The following LIX1L variants were observed in gnomAD, a reference collection of about 807,000 sequenced individuals.
LIX1L encodes the protein LIX1-like protein.
A neutral mutation model predicts 34.0 loss-of-function variants in LIX1L; 20 were observed. That is an observed-to-expected ratio of 0.59 (90% CI 0.41 to 0.85). The LOEUF (loss-of-function observed/expected upper bound fraction) is 0.85, where lower values mean the gene tolerates loss of function less well. LIX1L is among the 40% of genes least tolerant of loss of function. The probability of loss-of-function intolerance (pLI) is 0.00; values close to 1 mark genes in which losing one functional copy is unlikely to be tolerated. For missense variants in LIX1L, 397 were observed against 447.0 expected, an observed-to-expected ratio of 0.89 and a Z score of 1.01; for synonymous variants, 170 against 187.4, an observed-to-expected ratio of 0.91 and a Z score of 0.76.
intron 2 of LIX1L, among the ~76,000 whole-genome samples, chr1:145,944,279 G>C (rs1379578430): frequency 6.6e-6 from 1 of 152,128 alleles, no homozygotes; most frequent in Non-Finnish European, 1.5e-5. Flanking sequence ...AGGATCACTT[G>C]AGCCTAGGAG....
chr1:145,937,742 G>A (rs1387724608), intron 3 of LIX1L, 43 bp from the exon 4 acceptor site: 1 of 1,187,432 alleles, frequency 8.4e-7, no homozygotes, highest in Non-Finnish European at 1.3e-6. Context: ...TTTTCAACCA[G>A]GATTATCATC....
chr1:145,937,839 GAGGTAAGTCC>G (rs1199395654), intron 3 of LIX1L, 140 bp from the exon 4 acceptor site: 15 of 627,824 alleles, frequency 2.4e-5, no homozygotes, highest in Admixed American at 7.4e-5. Flanking sequence ...TAAAAATAAA[GAGGTAAGTCC>G]AGGTGCAGTG....
At chr1:145,943,383 T>C (rs985415363) in intron 2 of LIX1L, among the ~76,000 whole-genome samples, 2 of 152,172 alleles carry the variant, frequency 1.3e-5, no homozygotes, top group Non-Finnish European at 2.9e-5. Context: ...AGGCATTTTC[T>C]CAAATAACGT....
At position 145,936,352 on chromosome 1, in the gene LIX1L, C is replaced by T. The variant is rs1391856936; in HGVS notation, c.972G>A (p.Leu324=). ...GCATATTGCCCAACTGCCCAGCAGC[C>T]AGCACAAGAATATCTTTCTTCTCCT... The part of the protein sequence containing the change: ...FHKEKKDILV[L]AAGQLGNMHS... The change falls in exon 6 of 6, where the codon CTG becomes CTA. Residue 324 remains leucine (L), a synonymous_variant. Coordinates refer to ENST00000604000, the MANE Select transcript of LIX1L (RefSeq NM_153713.3). The T allele has an allele frequency of 1.2e-6, 2 of 1,614,040 alleles. No homozygotes were observed. Among genetic ancestry groups the T allele is most frequent in the East Asian group, 2.2e-5 (1 of 44,888 alleles).
chr1:145,945,958 G>T (rs1335321095), intron 2 of LIX1L, among the ~76,000 whole-genome samples: 1 of 143,664 alleles, frequency 7.0e-6, no homozygotes, highest in East Asian at 2.1e-4. Context: ...AAAAAAATTA[G>T]CTAGGCGTGG....
chr1:145,955,484 G>C (rs1325380672), intron 1 of LIX1L, among the ~76,000 whole-genome samples: 1 of 152,228 alleles, frequency 6.6e-6, no homozygotes, highest in African/African-American at 2.4e-5. Flanking sequence ...GGAATGAATT[G>C]TCTAGGCAGA....
rs782257497 is a variant in LIX1L at position 145,936,912 on chromosome 1, C to T, written c.767G>A (p.Arg256Gln). 9.3e-6 allele frequency: 15 copies of T among 1,609,766 alleles called. No homozygotes were observed. The highest frequency in any genetic ancestry group is 4.5e-5 in the East Asian group (2 of 44,842). ...LKAMRERQCS[R>Q]QEVLAHYSHR... ...CCCACTCATAAAATCTCTTACCTGC[C>T]GAGAGCATTGTCGTTCCCTCATGGC... Residue 256 changes from arginine (R) to glutamine (Q), a missense_variant, in exon 5 of 6, where the codon CGG becomes CAG. Physicochemically the swap from Arg to Gln is conservative, Grantham distance 43. This residue lies in a region of LIX1L where 174 missense variants were observed against 204.0 expected (regional missense o/e 0.85). Coordinates refer to ENST00000604000, the MANE Select transcript of LIX1L (RefSeq NM_153713.3).
rs1275015875 is a variant in LIX1L at position 145,943,001 on chromosome 1, T to A, written c.457-148A>T. 3.9e-6 allele frequency: 3 copies of A among 774,572 alleles called. No individual in the cohort carries two copies. The African/African-American group carries it at 5.2e-5, about 13-fold the overall frequency. The allele number at this position is 774,572 out of a possible 1,614,324, so 48.0% of individuals were successfully genotyped here. On this transcript the variant is annotated intron_variant, in intron 2 of 5. Coordinates refer to ENST00000604000, the MANE Select transcript of LIX1L (RefSeq NM_153713.3). ...TTCAACACACTTTCCAAGGTTTTTA[T>A]GGTAAAGTGGTTGGGATGTTTGGAA... is the stretch of plus-strand genomic sequence containing the variant.
chr1:145,936,793 A>C, intron 5 of LIX1L, 115 bp downstream of exon 5: 2 of 852,462 alleles, frequency 2.3e-6, no homozygotes, highest in Non-Finnish European at 3.9e-6. Flanking sequence ...TAAGGCTTTC[A>C]ATATTCACAA....
At position 145,936,453 on chromosome 1, in the gene LIX1L, G is replaced by C. The variant is rs149189424; in HGVS notation, c.871C>G (p.Leu291Val). 6.2e-7 allele frequency: 1 copy of C among 1,614,002 alleles called. No homozygotes were observed. The highest frequency in any genetic ancestry group is 1.3e-5 in the African/African-American group (1 of 74,910). Residue 291 changes from leucine (L) to valine (V), a missense_variant, in exon 6 of 6, where the codon CTG becomes GTG. By Grantham distance (32) the Leu-to-Val change is conservative. Coordinates refer to ENST00000604000, the MANE Select transcript of LIX1L (RefSeq NM_153713.3). ...VSREQSVPGALSRELASTERE... is the reference protein window; with the variant it reads ...VSREQSVPGAVSRELASTERE... ...TCAGTAGAGGCCAGCTCTCTAGACA[G>C]TGCCCCCGGCACACTCTGCTCCCGG...
At chr1:145,949,926 C>T (rs781964317) in intron 1 of LIX1L, among the ~76,000 whole-genome samples, 16 of 151,914 alleles carry the variant, frequency 1.1e-4, no homozygotes, top group Admixed American at 2.0e-4. Context: ...AGGCGATCCT[C>T]CAACCTTAGC....
chr1:145,939,630 T>C (rs1648814675), intron 3 of LIX1L, among the ~76,000 whole-genome samples: 1 of 151,256 alleles, frequency 6.6e-6, no homozygotes, highest in Non-Finnish European at 1.5e-5. Flanking sequence ...GCTTTCTTTT[T>C]TCTTTTTCTT....
chr1:145,948,905 T>C lies in LIX1L; in HGVS notation c.293-1123A>G, dbSNP rs1553759508. 1 of 152,232 alleles carries C rather than the reference T, an allele frequency of 6.6e-6. No homozygotes were observed. Among genetic ancestry groups the C allele is most frequent in the Non-Finnish European group, 1.5e-5 (1 of 68,040 alleles). 9.4% of individuals were successfully genotyped at this position (152,232 alleles called of 1,614,324 possible). A position where few individuals can be genotyped will look rare whatever the true frequency, so the allele number is the denominator to read the frequency against. On this transcript the variant is annotated intron_variant, in intron 1 of 5. Transcript: ENST00000604000. The surrounding 1 kb of genome is among the most constrained non-coding windows in gnomAD (Gnocchi z 4.0). ...CCCCAAGCTGTGGGTTCTATAAGTG[T>C]TCCTCTGTTGTGAAGCAACCCATGG...
rs1236633532 is a variant in LIX1L at position 145,935,179 on chromosome 1, A to C, written c.*1131T>G. The C allele has an allele frequency of 1.3e-5, 2 of 152,020 alleles. No individual in the cohort carries two copies. The highest frequency in any genetic ancestry group is 2.9e-5 in the Non-Finnish European group (2 of 68,060). 9.4% of individuals were successfully genotyped at this position (152,020 alleles called of 1,614,324 possible). A position where few individuals can be genotyped will look rare whatever the true frequency, so the allele number is the denominator to read the frequency against. On this transcript the variant is annotated 3_prime_UTR_variant, in exon 6 of 6. Transcript: ENST00000604000. ...GAGACTCTGTCTTCCAAAAAAAAAA[A>C]AAAACCACACACACACACAAATAAC...
intron 3 of LIX1L, among the ~76,000 whole-genome samples, chr1:145,940,604 G>A (rs1248328736): frequency 7.2e-6 from 1 of 139,646 alleles, no homozygotes; most frequent in East Asian, 2.1e-4. Context: ...AGGCTGGAGT[G>A]CAATGGCGTG....
At chr1:145,939,465 C>T (rs587743164) in intron 3 of LIX1L, among the ~76,000 whole-genome samples, 57 of 151,924 alleles carry the variant, frequency 3.8e-4, no homozygotes, top group African/African-American at 1.2e-3. Context: ...ACTACCATGC[C>T]TGGCTAATTT....
intron 5 of LIX1L, 61 bp downstream of exon 5, chr1:145,936,847 C>CA: frequency 8.5e-7 from 1 of 1,176,292 alleles, no homozygotes; most frequent in Non-Finnish European, 1.3e-6. Flanking sequence ...GTAACCACCT[C>CA]AAAAGAGTCC....
chr1:145,936,416 T>C lies in LIX1L; in HGVS notation c.908A>G (p.Asp303Gly), dbSNP rs782004899. ...RELASTEREL[D>G]EARLAGKELR... ...CTCCTTGCCTGCCAGTCGGGCTTCA[T>C]CCAGCTCCCGCTCAGTAGAGGCCAG... The change falls in exon 6 of 6, where the codon GAT becomes GGT. Residue 303 changes from aspartate (D) to glycine (G), a missense_variant. Physicochemically the swap from Asp to Gly is moderately conservative, Grantham distance 94 (BLOSUM62 -1). Transcript: ENST00000604000. 4 of 1,614,160 alleles carry C rather than the reference T, an allele frequency of 2.5e-6. No homozygotes were observed. Among genetic ancestry groups the C allele is most frequent in the Non-Finnish European group, 3.4e-6 (4 of 1,180,036 alleles).
At position 145,936,050 on chromosome 1, in the gene LIX1L, T is replaced by C. The variant is rs1648627115; in HGVS notation, c.*260A>G. ...TGGCTACACAGTTAATCTGGAAGTTTAAGAGCTAACAAAGCTGCAAAGACA... is the reference window on the plus strand; with the variant it reads ...TGGCTACACAGTTAATCTGGAAGTTCAAGAGCTAACAAAGCTGCAAAGACA... On this transcript the variant is annotated 3_prime_UTR_variant, in exon 6 of 6. Coordinates refer to ENST00000604000, the MANE Select transcript of LIX1L (RefSeq NM_153713.3). 2 of 443,298 alleles carry C rather than the reference T, an allele frequency of 4.5e-6. No individual in the cohort carries two copies. Among genetic ancestry groups the C allele is most frequent in the Non-Finnish European group, 4.0e-6 (1 of 248,160 alleles). The allele number at this position is 443,298 out of a possible 1,614,324, so 27.5% of individuals were successfully genotyped here.
Sources: allele counts gnomAD v4.1 joint callset (sites outside exome capture counted in the v4.1 genomes callset), GRCh38; gene constraint gnomAD v4.1.1; regional missense constraint gnomAD v4.1.1; non-coding constraint Gnocchi (gnomAD v3.1); transcripts MANE v1.5; gene names NCBI Gene and HGNC (gene_info 2026-07-23, HGNC 2026-07-21).